RAP1GAP2: variants seen among roughly 807,000 people sequenced by gnomAD.
RAP1GAP2 encodes the protein rap1 GTPase-activating protein 2.
In RAP1GAP2, 27 loss-of-function variants were observed where a neutral mutation model predicts 95.0. That is an observed-to-expected ratio of 0.28 (90% confidence interval 0.21 to 0.39). The LOEUF (loss-of-function observed/expected upper bound fraction) is 0.39, where lower values mean the gene tolerates loss of function less well. Ranked by LOEUF, RAP1GAP2 falls within the 10% of genes least tolerant of loss-of-function variation. The pLI is 1.00. For synonymous variants in RAP1GAP2, 373 were observed against 380.9 expected (o/e 0.98, Z 0.24); for missense variants, 771 against 970.0 (o/e 0.79, Z 2.72).
At chr17:3,012,747 T>C (rs966102651) in intron 17 of RAP1GAP2, among the ~76,000 whole-genome samples, 2 of 150,028 alleles carry the variant, frequency 1.3e-5, no homozygotes, top group Non-Finnish European at 3.0e-5. Context: ...GGGTTGGGGG[T>C]CTGTGAGCAG....
chr17:2,851,986 C>T (rs566082943), intron 2 of RAP1GAP2, among the ~76,000 whole-genome samples: 12 of 152,288 alleles, frequency 7.9e-5, no homozygotes, highest in Non-Finnish European at 8.8e-5. Flanking sequence ...ATACACCCAA[C>T]GCTAGGATAG....
At chr17:2,859,777 C>G (rs1303589904) in intron 2 of RAP1GAP2, among the ~76,000 whole-genome samples, 1 of 152,116 alleles carries the variant, frequency 6.6e-6, no homozygotes, top group Admixed American at 6.6e-5. Flanking sequence ...ATTGAAGAAA[C>G]TGGACTGTTT....
intron 1 of RAP1GAP2, among the ~76,000 whole-genome samples, chr17:2,762,857 G>A (rs146940755): frequency 3.5e-4 from 53 of 152,036 alleles, no homozygotes; most frequent in African/African-American, 1.2e-3. Flanking sequence ...TTTATCTTTT[G>A]TAGAGATAAG....
chr17:3,015,150 C>T (rs974331917), intron 17 of RAP1GAP2, among the ~76,000 whole-genome samples: 3 of 152,166 alleles, frequency 2.0e-5, no homozygotes, highest in Non-Finnish European at 4.4e-5. Context: ...AACGCGCTGA[C>T]TGTTTTAACC....
At chr17:2,767,844 T>G (rs917732419) in intron 1 of RAP1GAP2, among the ~76,000 whole-genome samples, 8 of 151,856 alleles carry the variant, frequency 5.3e-5, no homozygotes, top group Non-Finnish European at 1.0e-4. Context: ...GCTATTCTCC[T>G]GCCTCAGCCT....
chr17:2,907,636 C>A lies in RAP1GAP2; in HGVS notation c.165+2268C>A, dbSNP rs956470126. Among the ~76,000 whole-genome samples the A allele has an allele frequency of 2.0e-5, 3 of 151,962 alleles. No individual in the cohort carries two copies. The East Asian group carries it at 5.8e-4, about 29-fold the overall frequency. ...GTTAGGAAATGATGTTTCAGCTGAGCCCTGAAAATTGGATAGGTGCTAGTT... is the reference window on the plus strand; with the variant it reads ...GTTAGGAAATGATGTTTCAGCTGAGACCTGAAAATTGGATAGGTGCTAGTT... On this transcript the variant is annotated intron_variant, in intron 3 of 24. Coordinates refer to ENST00000254695, the MANE Select transcript of RAP1GAP2 (RefSeq NM_015085.5).
chr17:2,928,706 GC>G (rs913794758), intron 3 of RAP1GAP2, among the ~76,000 whole-genome samples: 3 of 152,230 alleles, frequency 2.0e-5, no homozygotes, highest in African/African-American at 7.2e-5. Flanking sequence ...GCGCCTTCCA[GC>G]CCACCGATAA....
intron 2 of RAP1GAP2, among the ~76,000 whole-genome samples, chr17:2,853,717 G>T (rs1371090178): frequency 6.8e-6 from 1 of 146,112 alleles, no homozygotes; most frequent in East Asian, 2.0e-4. Context: ...GCCGGGAGCC[G>T]CCGGCCCGGG....
chr17:3,023,897 C>G (rs1177493153), intron 19 of RAP1GAP2, among the ~76,000 whole-genome samples: 2 of 152,036 alleles, frequency 1.3e-5, no homozygotes, highest in South Asian at 4.2e-4. Flanking sequence ...TGAGCGAGAA[C>G]ATGTGGTGTT....
intron 2 of RAP1GAP2, among the ~76,000 whole-genome samples, chr17:2,895,313 G>A (rs988199206): frequency 1.4e-4 from 22 of 152,120 alleles, no homozygotes; most frequent in Admixed American, 1.3e-3. Context: ...CCTCCCCAGC[G>A]GGCCCCTTCT....
At chr17:2,972,347 GGGCTGGGCACGGT>G (rs59226696) in intron 8 of RAP1GAP2, among the ~76,000 whole-genome samples, 52,474 of 151,650 alleles carry the variant, frequency 0.35, 9,281 homozygotes, top group East Asian at 0.39. Flanking sequence ...AGAGCTTTAT[GGGCTGGGCACGGT>G]GGCTCACGCC....
At chr17:2,999,507 A>G (rs78027000) in intron 14 of RAP1GAP2, among the ~76,000 whole-genome samples, 2,756 of 152,324 alleles carry the variant, frequency 0.018, 73 homozygotes, top group African/African-American at 0.055. Context: ...GTGATTGCCA[A>G]TGGGTAACCA....
At chr17:3,012,394 G>A (rs977566096) in intron 17 of RAP1GAP2, among the ~76,000 whole-genome samples, 21 of 151,924 alleles carry the variant, frequency 1.4e-4, no homozygotes, top group Non-Finnish European at 2.8e-4. Flanking sequence ...GAGGCAGGTG[G>A]ATCACCTGAG....
intron 22 of RAP1GAP2, 62 bp from the exon 23 acceptor site, chr17:3,030,860 C>A: frequency 2.0e-6 from 3 of 1,480,956 alleles, no homozygotes; most frequent in Non-Finnish European, 2.8e-6. Flanking sequence ...AGCCAGTCCC[C>A]ACACACAGCC....
chr17:2,951,572 G>T (rs1308362977), intron 3 of RAP1GAP2, among the ~76,000 whole-genome samples: 1 of 150,798 alleles, frequency 6.6e-6, no homozygotes, highest in Admixed American at 6.6e-5. Context: ...TACAAAAATT[G>T]GCTGGGTGTG....
At chr17:2,942,699 T>C (rs2043541840) in intron 3 of RAP1GAP2, among the ~76,000 whole-genome samples, 1 of 152,186 alleles carries the variant, frequency 6.6e-6, no homozygotes, top group Non-Finnish European at 1.5e-5. Context: ...GATCTTAAAG[T>C]GAACAACTCA....
At position 2,857,479 on chromosome 17, in the gene RAP1GAP2, G is replaced by A. The variant is rs879765909; in HGVS notation, c.81-47805G>A. Among the ~76,000 whole-genome samples the A allele has an allele frequency of 2.0e-5, 3 of 152,190 alleles. No individual in the cohort carries two copies. The highest frequency in any genetic ancestry group is 4.4e-5 in the Non-Finnish European group (3 of 68,050). ...CTTCAATTTCCGTTTTCGAGAAATG[G>A]GCGTGGTGATCATCATGTTGGACTT... On this transcript the variant is annotated intron_variant, in intron 2 of 24. Coordinates refer to ENST00000254695, the MANE Select transcript of RAP1GAP2 (RefSeq NM_015085.5). The surrounding 1 kb of genome is among the most constrained non-coding windows in gnomAD (Gnocchi z 4.0).
At chr17:3,017,707 G>A (rs1480780840) in intron 17 of RAP1GAP2, among the ~76,000 whole-genome samples, 2 of 152,100 alleles carry the variant, frequency 1.3e-5, no homozygotes, top group Non-Finnish European at 2.9e-5. Context: ...GGTCAGTGTC[G>A]CACAGGCTTG....
intron 1 of RAP1GAP2, among the ~76,000 whole-genome samples, chr17:2,780,149 C>G (rs1426763358): frequency 6.6e-6 from 1 of 152,222 alleles, no homozygotes; most frequent in Non-Finnish European, 1.5e-5. Flanking sequence ...CTCCTGGGTT[C>G]AAGTGATTCT....
Sources: allele counts gnomAD v4.1 joint callset (sites outside exome capture counted in the v4.1 genomes callset), GRCh38; gene constraint gnomAD v4.1.1; non-coding constraint Gnocchi (gnomAD v3.1); transcripts MANE v1.5; gene names NCBI Gene and HGNC (gene_info 2026-07-23, HGNC 2026-07-21).